Variants in TGDS observed in about 807,000 individuals in gnomAD.
TGDS encodes the protein TDP-glucose 4,6-dehydratase, also known as UDP-D-glucose 4,6-dehydratase.
Under a neutral mutation model 52.3 loss-of-function variants are expected in TGDS, and 47 were observed. The observed-to-expected ratio is 0.90, with a 90% confidence interval of 0.71 to 1.15. The LOEUF is 1.15. Ranked by LOEUF, TGDS falls within the 50% of genes most tolerant of loss-of-function variation. The pLI is 0.00. For synonymous variants in TGDS, 115 were observed against 136.9 expected (o/e 0.84, Z 1.12); for missense variants, 375 against 418.4 (o/e 0.90, Z 0.90).
At chr13:94,584,330 T>C (rs1049687486) in intron 4 of TGDS, among the ~76,000 whole-genome samples, 1 of 152,202 alleles carries the variant, frequency 6.6e-6, no homozygotes, top group African/African-American at 2.4e-5. Context: ...TAATCCGATC[T>C]ACCTGGTGTC....
intron 4 of TGDS, among the ~76,000 whole-genome samples, chr13:94,587,103 T>C (rs143437671): frequency 1.3e-5 from 2 of 152,084 alleles, no homozygotes; most frequent in Non-Finnish European, 2.9e-5. Context: ...AAAATACATA[T>C]GAAAACCTGT....
chr13:94,586,096 T>TA (rs562380690), intron 4 of TGDS, among the ~76,000 whole-genome samples: 38 of 152,086 alleles, frequency 2.5e-4, no homozygotes, highest in African/African-American at 7.0e-4. Context: ...TTCTTTTTTT[T>TA]AAAAAAAGTA....
chr13:94,592,283 A>T lies in TGDS; in HGVS notation c.180T>A (p.Asn60Lys), dbSNP rs764401457. ...DKLDYCASLKNLETISNKQNY... is the reference protein window; with the variant it reads ...DKLDYCASLKKLETISNKQNY... ...TCTGTTTGTTAGAAATGGTTTCAAG[A>T]TTCTTCAAGCTTGCACAGTAATCCA... The change falls in exon 3 of 12, where the codon AAT (asparagine) becomes AAA (lysine). Residue 60 changes from asparagine (N) to lysine (K), a missense_variant. Physicochemically the swap from Asn to Lys is moderately conservative, Grantham distance 94. Transcript: ENST00000261296. The T allele has an allele frequency of 1.2e-6, 2 of 1,611,032 alleles. No homozygotes were observed. Among genetic ancestry groups the T allele is most frequent in the Admixed American group, 3.4e-5 (2 of 59,090 alleles).
intron 8 of TGDS, 139 bp from the exon 9 acceptor site, chr13:94,578,309 G>T: frequency 1.1e-6 from 1 of 885,872 alleles, no homozygotes; most frequent in Non-Finnish European, 1.7e-6. Context: ...AATTCTCGTA[G>T]CTTTTCTAAA....
intron 10 of TGDS, 66 bp downstream of exon 10, chr13:94,577,305 A>AT: frequency 7.9e-7 from 1 of 1,261,830 alleles, no homozygotes; most frequent in Admixed American, 2.7e-5. Flanking sequence ...AAGTCCACAT[A>AT]TTTTATAATT....
intron 4 of TGDS, among the ~76,000 whole-genome samples, chr13:94,588,073 T>C (rs1321726022): frequency 6.7e-6 from 1 of 149,444 alleles, no homozygotes; most frequent in African/African-American, 2.5e-5. Flanking sequence ...TTAACCCACA[T>C]TGTAATTAAG....
chr13:94,591,073 A>C, intron 3 of TGDS, 130 bp from the exon 4 acceptor site: 2 of 631,116 alleles, frequency 3.2e-6, no homozygotes, highest in Non-Finnish European at 5.5e-6. Flanking sequence ...AATTCAACTA[A>C]GTGCTCAAAC....
rs776126290 is a variant in TGDS, at chr13:94,578,097, C to T, written c.733G>A (p.Val245Ile). 6.2e-7 allele frequency: 1 copy of T among 1,613,768 alleles called. No individual in the cohort carries two copies. Among genetic ancestry groups the T allele is most frequent in the Admixed American group, 1.7e-5 (1 of 60,006 alleles). ...TCACCTGGTTTCCCTTTTTTGAGGACAGTGAGAAATGCTTCTACAACATCA... is the reference window on the plus strand; with the variant it reads ...TCACCTGGTTTCCCTTTTTTGAGGATAGTGAGAAATGCTTCTACAACATCA... ...ATDVVEAFLT[V>I]LKKGKPGEIY... Residue 245 changes from valine to isoleucine, a missense_variant, in exon 9 of 12, where the codon GTC becomes ATC. Transcript: ENST00000261296.
chr13:94,585,162 G>A (rs946476815), intron 4 of TGDS, among the ~76,000 whole-genome samples: 7 of 151,680 alleles, frequency 4.6e-5, no homozygotes, highest in African/African-American at 1.7e-4. Flanking sequence ...CCATTCTTGT[G>A]TCTCAGCCTC....
chr13:94,583,273 C>A (rs1888865862), intron 4 of TGDS, 37 bp from the exon 5 acceptor site: 2 of 1,596,124 alleles, frequency 1.3e-6, no homozygotes, highest in African/African-American at 1.4e-5. Context: ...ACAAGTCTAC[C>A]CAACGGATAA....
At chr13:94,587,377 T>A (rs114256332) in intron 4 of TGDS, among the ~76,000 whole-genome samples, 1,623 of 152,296 alleles carry the variant, frequency 0.011, 36 homozygotes, top group African/African-American at 0.037. Context: ...ATGTTGTTTT[T>A]TGGAACAACA....
intron 4 of TGDS, among the ~76,000 whole-genome samples, chr13:94,584,129 A>C (rs1301238726): frequency 6.6e-6 from 1 of 152,236 alleles, no homozygotes; most frequent in Non-Finnish European, 1.5e-5. Flanking sequence ...CTAAGGAAGG[A>C]AACTTGGAAA....
chr13:94,590,788 G>C, intron 4 of TGDS, 65 bp downstream of exon 4: 4 of 1,263,252 alleles, frequency 3.2e-6, no homozygotes, highest in Non-Finnish European at 2.2e-6. Flanking sequence ...TCAAATATAA[G>C]TATTAGGGGG....
intron 4 of TGDS, 116 bp from the exon 5 acceptor site, chr13:94,583,352 G>T: frequency 9.6e-7 from 1 of 1,042,796 alleles, no homozygotes; most frequent in Non-Finnish European, 1.3e-6. Context: ...TACCACAGCT[G>T]CAAGAGTTAT....
At chr13:94,596,184 G>A (rs201095780), upstream of TGDS, 172 of 1,577,992 alleles carry the variant, frequency 1.1e-4, 1 homozygote, top group East Asian at 2.7e-3. Flanking sequence ...GGTCTGAAAA[G>A]CGCAGGGAAG....
At chr13:94,588,800 C>T (rs964308016) in intron 4 of TGDS, among the ~76,000 whole-genome samples, 1 of 152,048 alleles carries the variant, frequency 6.6e-6, no homozygotes, top group Non-Finnish European at 1.5e-5. Flanking sequence ...TCATTGTATT[C>T]GTCAATATAG....
intron 6 of TGDS, among the ~76,000 whole-genome samples, chr13:94,580,608 C>T (rs1300976992): frequency 6.6e-6 from 1 of 152,160 alleles, no homozygotes; most frequent in South Asian, 2.1e-4. Context: ...GATCTGTCTT[C>T]CCTCTGTCTT....
chr13:94,586,761 T>C (rs1024959570), intron 4 of TGDS, among the ~76,000 whole-genome samples: 2 of 147,922 alleles, frequency 1.4e-5, no homozygotes, highest in African/African-American at 2.5e-5. Context: ...ATTTTTTTTT[T>C]TTTTTTTTTT....
intron 1 of TGDS, among the ~76,000 whole-genome samples, chr13:94,595,513 G>C (rs1889343510): frequency 6.6e-6 from 1 of 152,166 alleles, no homozygotes; most frequent in Admixed American, 6.5e-5. Context: ...ACATGGGCTA[G>C]GGTGGAAACG....
Sources: gnomAD v4.1 joint callset for allele counts (sites outside exome capture counted in the v4.1 genomes callset) on GRCh38, gnomAD v4.1.1 for gene constraint, MANE v1.5 for transcripts, NCBI Gene and HGNC (gene_info 2026-07-23, HGNC 2026-07-21) for gene names.